The following DPYD variants were observed in gnomAD, a reference collection of about 807,000 sequenced individuals.
The protein encoded by DPYD is dihydropyrimidine dehydrogenase [NADP(+)].
Under a neutral mutation model 116.2 loss-of-function variants are expected in DPYD, and 109 were observed. The ratio of observed to expected loss-of-function variants is 0.94; its 90% CI spans 0.80 to 1.10. The LOEUF (loss-of-function observed/expected upper bound fraction) is 1.10. DPYD is among the 50% of genes least tolerant of loss of function. The probability of loss-of-function intolerance (pLI) is 0.00; values close to 1 mark genes in which losing one functional copy is unlikely to be tolerated. For missense variants in DPYD, 1,302 were observed against 1,254.5 expected, an observed-to-expected ratio of 1.04 and a Z score of -0.57; for synonymous variants, 440 against 432.0, an observed-to-expected ratio of 1.02 and a Z score of -0.23.
At chr1:97,860,081 G>T (rs1036382225) in intron 2 of DPYD, among the ~76,000 whole-genome samples, 24 of 152,208 alleles carry the variant, frequency 1.6e-4, no homozygotes, top group African/African-American at 5.5e-4. Flanking sequence ...GGTGGCTCAC[G>T]GCTATAATCC....
chr1:97,529,914 T>C (rs928720496), intron 12 of DPYD, among the ~76,000 whole-genome samples: 1 of 151,158 alleles, frequency 6.6e-6, no homozygotes, highest in Non-Finnish European at 1.5e-5. Context: ...CCTTCTTTTC[T>C]TTTCTTTCTC....
intron 19 of DPYD, among the ~76,000 whole-genome samples, chr1:97,214,245 T>C (rs1464087002): frequency 6.6e-6 from 1 of 152,154 alleles, no homozygotes; most frequent in Non-Finnish European, 1.5e-5. Flanking sequence ...GGTTATGATA[T>C]GGTAAAACTA....
chr1:97,311,356 A>G (rs1246783716), intron 16 of DPYD, among the ~76,000 whole-genome samples: 1 of 151,786 alleles, frequency 6.6e-6, no homozygotes, highest in East Asian at 1.9e-4. Flanking sequence ...TCAACATAGC[A>G]TACTTCATTG....
At chr1:97,539,171 A>G (rs1165304303) in intron 12 of DPYD, among the ~76,000 whole-genome samples, 1 of 152,152 alleles carries the variant, frequency 6.6e-6, no homozygotes, top group Non-Finnish European at 1.5e-5. Flanking sequence ...CTAATAAACA[A>G]TATTCTATAA....
At position 97,754,897 on chromosome 1, in the gene DPYD, C is replaced by T. The variant is rs1041616515; in HGVS notation, c.234-14418G>A. ...TAGCATCATGCTAAGGACACAATGACGGTTCAATGTTCATTTGTTGATTAA... is the reference window on the plus strand; with the variant it reads ...TAGCATCATGCTAAGGACACAATGATGGTTCAATGTTCATTTGTTGATTAA... On this transcript the variant is annotated intron_variant, in intron 3 of 22. Transcript: ENST00000370192. Among the ~76,000 whole-genome samples the T allele has an allele frequency of 3.9e-5, 6 of 152,178 alleles. No individual in the cohort carries two copies. The East Asian group carries it at 5.8e-4, about 15-fold the overall frequency.
chr1:97,877,639 A>C (rs1671992271), intron 2 of DPYD, among the ~76,000 whole-genome samples: 1 of 152,052 alleles, frequency 6.6e-6, no homozygotes, highest in Admixed American at 6.6e-5. Flanking sequence ...AATTGTCAAC[A>C]ATCAAAAAAG....
intron 13 of DPYD, among the ~76,000 whole-genome samples, chr1:97,507,765 G>A (rs749285776): frequency 1.3e-5 from 2 of 151,968 alleles, no homozygotes; most frequent in Non-Finnish European, 2.9e-5. Context: ...TTGTGCAAAC[G>A]CAGGAGCAAC....
chr1:97,430,421 G>T (rs1268136427), intron 14 of DPYD, among the ~76,000 whole-genome samples: 3 of 152,094 alleles, frequency 2.0e-5, no homozygotes, highest in Admixed American at 2.0e-4. Flanking sequence ...AAAGTATTTT[G>T]ACAGTTGCCT....
Position 97,400,064 on chromosome 1 carries a change from A to T in DPYD, c.1906-17603T>A, listed in dbSNP as rs1263416962. Among the ~76,000 whole-genome samples the T allele has an allele frequency of 9.9e-5, 15 of 152,162 alleles. No homozygotes were observed. The East Asian group carries it at 2.9e-3, about 29-fold the overall frequency. ...GAATGCTTCCAGTTTTTGCCCATTC[A>T]GTATGATATTGGCTGTGGGTTTTTC... On this transcript the variant is annotated intron_variant, in intron 14 of 22. Transcript: ENST00000370192.
At chr1:97,824,642 A>C (rs1377387509) in intron 3 of DPYD, among the ~76,000 whole-genome samples, 1 of 152,172 alleles carries the variant, frequency 6.6e-6, no homozygotes, top group Admixed American at 6.6e-5. Context: ...GATGTCTCTA[A>C]GAGCCACAGA....
intron 3 of DPYD, among the ~76,000 whole-genome samples, chr1:97,793,982 A>T (rs954081992): frequency 6.6e-6 from 1 of 152,164 alleles, no homozygotes; most frequent in Admixed American, 6.5e-5. Flanking sequence ...CAGTCGCCCA[A>T]GCTAGAGTGC....
In DPYD at chr1:97,148,719, C is replaced by A. The variant is rs116370258; in HGVS notation, c.2622+44350G>T. Among the ~76,000 whole-genome samples, 276 of 152,260 alleles carry A rather than the reference C, an allele frequency of 1.8e-3. 3 individuals are homozygous for A. Among genetic ancestry groups the A allele is most frequent in the African/African-American group, 6.0e-3 (249 of 41,564 alleles). On this transcript the variant is annotated intron_variant, in intron 20 of 22. Coordinates refer to ENST00000370192, the MANE Select transcript of DPYD (RefSeq NM_000110.4). ...GAAATGTCATAATAATGTCATCCCA[C>A]ATTCTGGTGTCACGACAAACATCTT...
intron 14 of DPYD, among the ~76,000 whole-genome samples, chr1:97,396,197 C>T (rs1367428806): frequency 6.6e-6 from 1 of 151,556 alleles, no homozygotes; most frequent in Non-Finnish European, 1.5e-5. Flanking sequence ...CTTAGAACAT[C>T]ATAGCATAGA....
chr1:97,722,584 C>G (rs1662982708), intron 4 of DPYD, among the ~76,000 whole-genome samples: 1 of 151,472 alleles, frequency 6.6e-6, no homozygotes, highest in African/African-American at 2.4e-5. Flanking sequence ...ATAGAATGCA[C>G]TTAACAATAT....
chr1:97,468,104 A>T (rs1406972168), intron 13 of DPYD, among the ~76,000 whole-genome samples: 2 of 152,228 alleles, frequency 1.3e-5, no homozygotes, highest in East Asian at 3.9e-4. Flanking sequence ...CATAGACAAC[A>T]TTACTGAGTG....
intron 1 of DPYD, among the ~76,000 whole-genome samples, chr1:97,897,197 G>A (rs1045852933): frequency 4.0e-5 from 6 of 151,836 alleles, no homozygotes; most frequent in Admixed American, 2.6e-4. Context: ...TACACTGAAA[G>A]TTTTTGTTCC....
chr1:97,088,010 T>G (rs1365522507), intron 21 of DPYD, among the ~76,000 whole-genome samples: 1 of 152,196 alleles, frequency 6.6e-6, no homozygotes, highest in African/African-American at 2.4e-5. Flanking sequence ...GATGCCACCC[T>G]TTTATTTCAT....
chr1:97,815,024 GAGGA>G (rs145141619), intron 3 of DPYD, among the ~76,000 whole-genome samples: 3,557 of 149,826 alleles, frequency 0.024, 163 homozygotes, highest in African/African-American at 0.084. Context: ...AAAAGGAAAG[GAGGA>G]AGGAAGGAAG....
intron 2 of DPYD, among the ~76,000 whole-genome samples, chr1:97,840,851 T>C (rs1476356634): frequency 6.6e-6 from 1 of 152,128 alleles, no homozygotes; most frequent in Admixed American, 6.5e-5. Flanking sequence ...TTGAATTATA[T>C]ACATACGAAG....
Sources: allele counts gnomAD v4.1 joint callset (sites outside exome capture counted in the v4.1 genomes callset), GRCh38; gene constraint gnomAD v4.1.1; transcripts MANE v1.5; gene names NCBI Gene and HGNC (gene_info 2026-07-23, HGNC 2026-07-21).